The following IGSF3 variants were observed in gnomAD, a reference collection of about 807,000 sequenced individuals.
IGSF3 encodes the protein glu-Trp-Ile EWI motif-containing protein 3.
Under a neutral mutation model 114.4 loss-of-function variants are expected in IGSF3, and 23 were observed. That is an observed-to-expected ratio of 0.20 (90% CI 0.14 to 0.28). The LOEUF is 0.28. IGSF3 is among the 10% of genes least tolerant of loss of function. The probability of loss-of-function intolerance (pLI) is 1.00; values close to 1 mark genes in which losing one functional copy is unlikely to be tolerated. For synonymous variants in IGSF3, 571 were observed against 645.2 expected (o/e 0.88, Z 1.74); for missense variants, 1,172 against 1,591.5 (o/e 0.74, Z 4.48).
chr1:116,599,797 A>C, intron 7 of IGSF3, 144 bp downstream of exon 7: 2 of 709,314 alleles, frequency 2.8e-6, no homozygotes, highest in South Asian at 3.9e-5. Context: ...ACGATTCTTA[A>C]AACTTCCTAT....
At chr1:116,631,510 A>G (rs1647588054) in intron 2 of IGSF3, among the ~76,000 whole-genome samples, 1 of 152,128 alleles carries the variant, frequency 6.6e-6, no homozygotes, top group Non-Finnish European at 1.5e-5. Flanking sequence ...AGAGCTGCTG[A>G]GGACCCCAAC....
Position 116,579,241 on chromosome 1 carries a change from AT to A in IGSF3, c.3334+150del. ...TCAAGGGTCAATTATATGAACTAAT[AT>A]GTCCAATCCCACCATATCTCAAATC... On this transcript the variant is annotated intron_variant, in intron 10 of 10. Transcript: ENST00000369486. This position sits in a 1 kb window ranked among gnomAD's most constrained non-coding sequence, Gnocchi z 6.4. The A allele has an allele frequency of 1.0e-6, 1 of 988,512 alleles. No homozygotes were observed. The highest frequency in any genetic ancestry group is 1.9e-5 in the South Asian group (1 of 52,440). The allele number at this position is 988,512 out of a possible 1,614,324, so 61.2% of individuals were successfully genotyped here. A position where few individuals can be genotyped will look rare whatever the true frequency, so the allele number is the denominator to read the frequency against.
chr1:116,598,479 T>C lies in IGSF3; in HGVS notation c.2029+1462A>G, dbSNP rs1176441585. On this transcript the variant is annotated intron_variant, in intron 7 of 10. Coordinates refer to ENST00000369486, the MANE Select transcript of IGSF3 (RefSeq NM_001007237.3). The surrounding 1 kb of genome is among the most constrained non-coding windows in gnomAD (Gnocchi z 4.3). ...GCCAAGGGAACAGTCTCGTCATTTATACAACTCACTTGTTCCAAATCTGGT... is the reference window on the plus strand; with the variant it reads ...GCCAAGGGAACAGTCTCGTCATTTACACAACTCACTTGTTCCAAATCTGGT... Among the ~76,000 whole-genome samples the C allele has an allele frequency of 6.6e-6, 1 of 152,216 alleles. No individual in the cohort carries two copies. Among genetic ancestry groups the C allele is most frequent in the African/African-American group, 2.4e-5 (1 of 41,446 alleles).
In IGSF3 at chr1:116,628,859, T is replaced by A. The variant is rs927156046; in HGVS notation, c.44-12402A>T. ...AGGACCATGTTCTTGAGCATAACTA[T>A]GACCAGGCAGTAGGCAGTGGGCCCT... On this transcript the variant is annotated intron_variant, in intron 2 of 10. Coordinates refer to ENST00000369486, the MANE Select transcript of IGSF3 (RefSeq NM_001007237.3). The surrounding 1 kb of genome is among the most constrained non-coding windows in gnomAD (Gnocchi z 4.2). Among the ~76,000 whole-genome samples the A allele has an allele frequency of 2.0e-5, 3 of 152,182 alleles. No individual in the cohort carries two copies. Among genetic ancestry groups the A allele is most frequent in the South Asian group, 2.1e-4 (1 of 4,822 alleles).
chr1:116,640,052 A>G (rs1170020243), intron 2 of IGSF3, among the ~76,000 whole-genome samples: 1 of 151,362 alleles, frequency 6.6e-6, no homozygotes, highest in Admixed American at 6.6e-5. Flanking sequence ...AAAAAAAAAA[A>G]AAAAAGAAAG....
chr1:116,613,855 C>T lies in IGSF3; in HGVS notation c.742G>A (p.Ala248Thr), dbSNP rs1661114522. 2.5e-6 allele frequency: 4 copies of T among 1,613,856 alleles called. No homozygotes were observed. The highest frequency in any genetic ancestry group is 2.2e-5 in the South Asian group (2 of 91,074). ...TCCGGATCCTGGATCCACTCGGCGG[C>T]CTCGCAGTAGAATTCGCCCTGGTCA... ...PSDQGEFYCE[A>T]AEWIQDPDGS... The change falls in exon 4 of 11, where the codon GCC becomes ACC. Residue 248 changes from alanine to threonine, a missense_variant. Ala to Thr is a moderately conservative substitution (Grantham distance 58, BLOSUM62 0). Transcript: ENST00000369486.
rs1659268212 is a variant in IGSF3 at position 116,574,754 on chromosome 1, TAAA to T, written c.*2555_*2557del. The T allele has an allele frequency of 2.6e-5, 4 of 152,748 alleles. No individual in the cohort carries two copies. The highest frequency in any genetic ancestry group is 9.6e-5 in the African/African-American group (4 of 41,568). 9.5% of individuals were successfully genotyped at this position (152,748 alleles called of 1,614,324 possible). A position where few individuals can be genotyped will look rare whatever the true frequency, so the allele number is the denominator to read the frequency against. ...GCAGTTTTCCTCCGTCTCAGAAGAC[TAAA>T]GCTCCAGTAGACAATGCGCAATGAG... On this transcript the variant is annotated 3_prime_UTR_variant, in exon 11 of 11. Coordinates refer to ENST00000369486, the MANE Select transcript of IGSF3 (RefSeq NM_001007237.3). The surrounding 1 kb of genome is among the most constrained non-coding windows in gnomAD (Gnocchi z 5.2).
rs1237354277 is a variant in IGSF3, at chr1:116,628,817, T to C, written c.44-12360A>G. ...CAGTGGGTAGCCCTGGATTGGACAT[T>C]TTCCCTATTCAATTCAAGGACCATG... On this transcript the variant is annotated intron_variant, in intron 2 of 10. Transcript: ENST00000369486. The surrounding 1 kb of genome is among the most constrained non-coding windows in gnomAD (Gnocchi z 4.2). 2.0e-5 allele frequency among the ~76,000 whole-genome samples: 3 copies of C among 152,146 alleles called. No individual in the cohort carries two copies. The highest frequency in any genetic ancestry group is 7.2e-5 in the African/African-American group (3 of 41,430).
intron 2 of IGSF3, among the ~76,000 whole-genome samples, chr1:116,631,345 C>T (rs1367053183): frequency 6.9e-6 from 1 of 145,382 alleles, no homozygotes; most frequent in East Asian, 2.0e-4. Context: ...AAAAAAAGAG[C>T]ATGGGCTTTG....
Position 116,600,288 on chromosome 1 carries a change from G to T in IGSF3, c.1682C>A (p.Ser561Tyr), listed in dbSNP as rs748633506. 5.0e-6 allele frequency: 8 copies of T among 1,613,740 alleles called. No homozygotes were observed. Among genetic ancestry groups the T allele is most frequent in the Non-Finnish European group, 6.8e-6 (8 of 1,179,878 alleles). The change falls in exon 7 of 11, where the codon TCC (serine) becomes TAC (tyrosine). Residue 561 changes from serine (S) to tyrosine (Y), a missense_variant. Physicochemically the swap from Ser to Tyr is moderately radical, Grantham distance 144 (BLOSUM62 -2). Coordinates refer to ENST00000369486, the MANE Select transcript of IGSF3 (RefSeq NM_001007237.3). The surrounding 1 kb of genome is among the most constrained non-coding windows in gnomAD (Gnocchi z 5.5). ...TTTGATGATACACTGCAAGTCAAAG[G>T]AGTCGCTGTAGGTCACCCCCGGTGT... ...SRTPGVTYSD[S>Y]FDLQCIIKPH...
rs561806575 is a variant in IGSF3, at chr1:116,621,167, G to A, written c.44-4710C>T. Among the ~76,000 whole-genome samples the A allele has an allele frequency of 7.5e-4, 114 of 152,108 alleles. 1 individual carries two copies. Among genetic ancestry groups the A allele is most frequent in the Non-Finnish European group, 1.2e-3 (84 of 68,030 alleles). ...TGCTCCTGCTTTGGCCACGTAAGGC[G>A]CGCCTGCTTCCCCTTCACCTTCCAC... On this transcript the variant is annotated intron_variant, in intron 2 of 10. Transcript: ENST00000369486.
Position 116,661,694 on chromosome 1 carries a change from G to A in IGSF3, c.43+4590C>T, listed in dbSNP as rs1333927854. Among the ~76,000 whole-genome samples the A allele has an allele frequency of 1.3e-5, 2 of 152,004 alleles. No individual in the cohort carries two copies. The highest frequency in any genetic ancestry group is 2.9e-5 in the Non-Finnish European group (2 of 67,992). ...CTACTCTGCCACTTTTTAGCTTTGTGACTATGGCAGAGATGGGCAGCTGTC... is the reference window on the plus strand; with the variant it reads ...CTACTCTGCCACTTTTTAGCTTTGTAACTATGGCAGAGATGGGCAGCTGTC... On this transcript the variant is annotated intron_variant, in intron 2 of 10. Coordinates refer to ENST00000369486, the MANE Select transcript of IGSF3 (RefSeq NM_001007237.3). The surrounding 1 kb of genome is among the most constrained non-coding windows in gnomAD (Gnocchi z 4.0).
rs570198676 is a variant in IGSF3 at position 116,612,636 on chromosome 1, C to T, written c.832+1129G>A. On this transcript the variant is annotated intron_variant, in intron 4 of 10. Transcript: ENST00000369486. The surrounding 1 kb of genome is among the most constrained non-coding windows in gnomAD (Gnocchi z 4.1). ...AGGGAGCCCAAGAGACAGGTCCTGA[C>T]GAAGGACCCCACCTGTACTGCAACT... Among the ~76,000 whole-genome samples, 31 of 152,350 alleles carry T rather than the reference C, an allele frequency of 2.0e-4. No individual in the cohort carries two copies. The Middle Eastern group carries it at 0.014, about 67-fold the overall frequency.
In IGSF3 at chr1:116,615,955, C is replaced by T. The variant is rs1661199704; in HGVS notation, c.421+125G>A. On this transcript the variant is annotated intron_variant, in intron 3 of 10. Transcript: ENST00000369486. This position sits in a 1 kb window ranked among gnomAD's most constrained non-coding sequence, Gnocchi z 4.3. ...TAGTTTCCTTGTGCTATCTGTTGAC[C>T]CCTAAAATATGTTGGGAGTTTTGGG... The T allele has an allele frequency of 1.5e-6, 1 of 667,664 alleles. No individual in the cohort carries two copies. Among genetic ancestry groups the T allele is most frequent in the Admixed American group, 2.9e-5 (1 of 34,418 alleles). The allele number at this position is 667,664 out of a possible 1,614,324, so 41.4% of individuals were successfully genotyped here. A position where few individuals can be genotyped will look rare whatever the true frequency, so the allele number is the denominator to read the frequency against.
chr1:116,579,468 C>T lies in IGSF3; in HGVS notation c.3258G>A (p.Leu1086=), dbSNP rs1335568729. 2 of 1,613,488 alleles carry T rather than the reference C, an allele frequency of 1.2e-6. No homozygotes were observed. Among genetic ancestry groups the T allele is most frequent in the South Asian group, 2.2e-5 (2 of 91,008 alleles). ...GGTACCATTCCTTCTGAGGGCTGGG[C>T]AGCCACTCCTCCACATGGCAGGAGT... The part of the protein sequence containing the change: ...GNYSCHVEEW[L]PSPQKEWYRL... Residue 1086 remains leucine (L), a synonymous_variant, in exon 10 of 11, where the codon CTG becomes CTA. Coordinates refer to ENST00000369486, the MANE Select transcript of IGSF3 (RefSeq NM_001007237.3). This position sits in a 1 kb window ranked among gnomAD's most constrained non-coding sequence, Gnocchi z 6.4.
chr1:116,579,909 G>A lies in IGSF3; in HGVS notation c.2849-32C>T. On this transcript the variant is annotated intron_variant, in intron 9 of 10. Transcript: ENST00000369486. The surrounding 1 kb of genome is among the most constrained non-coding windows in gnomAD (Gnocchi z 6.4). ...AATGACAAGGGACAAACAGGGAAGG[G>A]GTTGTTTAAATTTATTTGCTCAAAA... 2 of 1,547,376 alleles carry A rather than the reference G, an allele frequency of 1.3e-6. No individual in the cohort carries two copies. Among genetic ancestry groups the A allele is most frequent in the East Asian group, 2.3e-5 (1 of 44,268 alleles).
At chr1:116,658,399 T>C (rs1648960924) in intron 2 of IGSF3, among the ~76,000 whole-genome samples, 1 of 152,092 alleles carries the variant, frequency 6.6e-6, no homozygotes, top group Non-Finnish European at 1.5e-5. Context: ...AGGCCCCCCT[T>C]TGCTTCGACC....
rs1351962632 is a variant in IGSF3, at chr1:116,624,693, T to C, written c.44-8236A>G. On this transcript the variant is annotated intron_variant, in intron 2 of 10. Coordinates refer to ENST00000369486, the MANE Select transcript of IGSF3 (RefSeq NM_001007237.3). The surrounding 1 kb of genome is among the most constrained non-coding windows in gnomAD (Gnocchi z 4.9). The stretch of plus-strand genomic sequence containing the variant: ...GAGTTTAGAATAATTCCCTTCTCTG[T>C]GTATCTGGGCAGGAAGTCACTGTGT... 6.6e-6 allele frequency among the ~76,000 whole-genome samples: 1 copy of C among 152,160 alleles called. No homozygotes were observed. Among genetic ancestry groups the C allele is most frequent in the Non-Finnish European group, 1.5e-5 (1 of 68,022 alleles).
rs943374867 is a variant in IGSF3 at position 116,627,895 on chromosome 1, A to G, written c.44-11438T>C. Reference sequence around the variant, plus strand: ...ATTGGGGTCTCCAAAGGAACCTCAGAGCCGTGTCCTACTCAGAGCAGCCCC... The same window carrying G: ...ATTGGGGTCTCCAAAGGAACCTCAGGGCCGTGTCCTACTCAGAGCAGCCCC... On this transcript the variant is annotated intron_variant, in intron 2 of 10. Transcript: ENST00000369486. This position sits in a 1 kb window ranked among gnomAD's most constrained non-coding sequence, Gnocchi z 4.7. Among the ~76,000 whole-genome samples the G allele has an allele frequency of 1.3e-5, 2 of 152,206 alleles. No homozygotes were observed. The highest frequency in any genetic ancestry group is 4.8e-5 in the African/African-American group (2 of 41,450).
Sources: gnomAD v4.1 joint callset for allele counts (sites outside exome capture counted in the v4.1 genomes callset) on GRCh38, gnomAD v4.1.1 for gene constraint, Gnocchi (gnomAD v3.1) non-coding constraint, MANE v1.5 for transcripts, NCBI Gene and HGNC (gene_info 2026-07-23, HGNC 2026-07-21) for gene names.